The following CCT5 variants were observed in gnomAD, a reference collection of about 807,000 sequenced individuals.
CCT5 encodes T-complex protein 1 subunit epsilon.
CCT5 carries 6 observed loss-of-function variants against 55.0 expected under a neutral mutation model. That is an observed-to-expected ratio of 0.11 (90% CI 0.06 to 0.22). The LOEUF is 0.22. CCT5 is among the 10% of genes least tolerant of loss of function. The probability of loss-of-function intolerance (pLI) is 1.00; values close to 1 mark genes in which losing one functional copy is unlikely to be tolerated. For missense variants in CCT5, 560 were observed against 694.6 expected, an observed-to-expected ratio of 0.81 and a Z score of 2.18; for synonymous variants, 231 against 243.7, an observed-to-expected ratio of 0.95 and a Z score of 0.49.
chr5:10,255,001 C>T, intron 3 of CCT5, 163 bp downstream of exon 3: 1 of 656,484 alleles, frequency 1.5e-6, no homozygotes, highest in African/African-American at 1.8e-5. Flanking sequence ...TCAAAACTGA[C>T]AGTGTTACAA....
chr5:10,250,385 T>C lies in CCT5; in HGVS notation c.45T>C (p.Pro15=), dbSNP rs1745315566. 1 of 1,614,152 alleles carries C rather than the reference T, an allele frequency of 6.2e-7. No homozygotes were observed. The highest frequency in any genetic ancestry group is 8.5e-7 in the Non-Finnish European group (1 of 1,180,028). The part of the protein sequence containing the change: ...GTLAFDEYGR[P]FLIIKDQDRK... ...TCGCCTTCGATGAATATGGGCGCCC[T>C]TTCCTCATCATCAAGGATCAGGACC... The change falls in exon 1 of 11, where the codon CCT becomes CCC. Residue 15 remains proline, a synonymous_variant. Coordinates refer to ENST00000280326, the MANE Select transcript of CCT5 (RefSeq NM_012073.5).
chr5:10,255,781 C>T (rs1379549425), intron 3 of CCT5, among the ~76,000 whole-genome samples, 174 bp from the exon 4 acceptor site: 1 of 152,198 alleles, frequency 6.6e-6, no homozygotes, highest in African/African-American at 2.4e-5. Flanking sequence ...TCGACCTTCG[C>T]TAGAACTAAA....
Position 10,254,445 on chromosome 5 carries a change from CAT to C in CCT5, c.167-227_167-226del, listed in dbSNP as rs1745579001. 4 of 574,948 alleles carry C rather than the reference CAT, an allele frequency of 7.0e-6. No homozygotes were observed. In the South Asian group the frequency reaches 8.4e-5, roughly 12 times the overall value. The allele number at this position is 574,948 out of a possible 1,614,324, so 35.6% of individuals were successfully genotyped here. A position where few individuals can be genotyped will look rare whatever the true frequency, so the allele number is the denominator to read the frequency against. ...ATCATTTCATTAGCATTTTCCAAAT[CAT>C]AGTTGTCTTTTGAGATTAACATTAT... On this transcript the variant is annotated intron_variant, in intron 2 of 10. Transcript: ENST00000280326.
rs1354077018 is a variant in CCT5 at position 10,264,715 on chromosome 5, G to A, written c.1558G>A (p.Ala520Thr). 6.2e-7 allele frequency: 1 copy of A among 1,613,922 alleles called. No homozygotes were observed. Among genetic ancestry groups the A allele is most frequent in the South Asian group, 1.1e-5 (1 of 91,076 alleles). Residue 520 changes from alanine to threonine, a missense_variant, in exon 11 of 11, where the codon GCA becomes ACA. Coordinates refer to ENST00000280326, the MANE Select transcript of CCT5 (RefSeq NM_012073.5). ...TGGCAAAAAGCAACAGATATCTCTT[G>A]CAACACAAATGGTTAGAATGATTTT... is the stretch of plus-strand genomic sequence containing the variant. ...LIGKKQQISL[A>T]TQMVRMILKI...
Position 10,255,828 on chromosome 5 carries a change from C to T in CCT5, c.332-127C>T. On this transcript the variant is annotated intron_variant, in intron 3 of 10. Transcript: ENST00000280326. ...TTTTAAAAATAGAGGGCTTCTGCCTCTAAGATGACTTGCAGCTTAATTCTA... is the reference window on the plus strand; with the variant it reads ...TTTTAAAAATAGAGGGCTTCTGCCTTTAAGATGACTTGCAGCTTAATTCTA... 5.9e-6 allele frequency: 5 copies of T among 845,904 alleles called. No individual in the cohort carries two copies. The South Asian group carries it at 7.3e-5, about 12-fold the overall frequency. 52.4% of individuals were successfully genotyped at this position (845,904 alleles called of 1,614,324 possible). A position where few individuals can be genotyped will look rare whatever the true frequency, so the allele number is the denominator to read the frequency against.
intron 6 of CCT5, 55 bp from the exon 7 acceptor site, chr5:10,260,737 A>G (rs993553637): frequency 1.9e-6 from 3 of 1,602,304 alleles, no homozygotes; most frequent in African/African-American, 2.7e-5. Flanking sequence ...AAACATTGTA[A>G]TGAAGAATAA....
intron 1 of CCT5, among the ~76,000 whole-genome samples, chr5:10,251,578 A>G (rs142321007): frequency 1.3e-5 from 2 of 152,230 alleles, no homozygotes. Context: ...CAGTTCCCCT[A>G]TGGACTCTTT....
chr5:10,258,099 T>C lies in CCT5; in HGVS notation c.531-12T>C. On this transcript the variant is annotated splice_polypyrimidine_tract_variant and intron_variant, in intron 4 of 10. Coordinates refer to ENST00000280326, the MANE Select transcript of CCT5 (RefSeq NM_012073.5). ...GAAACCAATGAAGTTTGTTTTGTGG[T>C]GTTTTCCTCAGGGTCAACAGTTGTC... 1 of 1,613,896 alleles carries C rather than the reference T, an allele frequency of 6.2e-7. No individual in the cohort carries two copies. The highest frequency in any genetic ancestry group is 1.1e-5 in the South Asian group (1 of 91,072).
intron 3 of CCT5, chr5:10,255,087 T>A (rs1046332858): frequency 2.4e-5 from 12 of 509,824 alleles, no homozygotes; most frequent in Non-Finnish European, 4.3e-5. Flanking sequence ...ATTTTGCTTG[T>A]CTTTTAAGCT....
Position 10,255,989 on chromosome 5 carries a change from A to T in CCT5, c.366A>T (p.Gln122His). 1 of 1,614,202 alleles carries T rather than the reference A, an allele frequency of 6.2e-7. No homozygotes were observed. Among genetic ancestry groups the T allele is most frequent in the Non-Finnish European group, 8.5e-7 (1 of 1,180,016 alleles). ...LAGALLEEAE[Q>H]LLDRGIHPIR... The stretch of plus-strand genomic sequence containing the variant: ...GTGCCTTGTTAGAAGAAGCGGAGCA[A>T]TTGCTAGACCGAGGCATTCACCCAA... Residue 122 changes from glutamine (Q) to histidine (H), a missense_variant, in exon 4 of 11, where the codon CAA (glutamine) becomes CAT (histidine). Physicochemically the swap from Gln to His is conservative, Grantham distance 24 (BLOSUM62 0). Around this residue, in one of 4 missense-constraint regions of CCT5, gnomAD observed 137 missense variants for 181.9 expected, o/e 0.75. Transcript: ENST00000280326.
intron 3 of CCT5, among the ~76,000 whole-genome samples, chr5:10,255,285 C>CATGT (rs1337338119): frequency 6.6e-6 from 1 of 152,094 alleles, no homozygotes; most frequent in African/African-American, 2.4e-5. Flanking sequence ...AATAGTTGAA[C>CATGT]AGAAACAGTA....
rs576906191 is a variant in CCT5, at chr5:10,250,798, G to C, written c.105+353G>C. 34 of 1,160,114 alleles carry C rather than the reference G, an allele frequency of 2.9e-5. No individual in the cohort carries two copies. In the South Asian group the frequency reaches 7.1e-4, roughly 24 times the overall value. 71.9% of individuals were successfully genotyped at this position (1,160,114 alleles called of 1,614,324 possible). On this transcript the variant is annotated intron_variant, in intron 1 of 10. Transcript: ENST00000280326. ...CTGCGCTCCAGTGGGAGGGCGCCGG[G>C]GAGATGCTCTGTCACCTGTCGGTTA...
At position 10,263,212 on chromosome 5, in the gene CCT5, A is replaced by G; in HGVS notation, c.1396A>G (p.Ser466Gly). The G allele has an allele frequency of 6.2e-7, 1 of 1,614,226 alleles. No homozygotes were observed. Among genetic ancestry groups the G allele is most frequent in the Non-Finnish European group, 8.5e-7 (1 of 1,180,038 alleles). ...CATCCCCATGGCCCTCTCTGAAAAC[A>G]GTGGCATGAATCCCATCCAGACTAT... ...EVIPMALSEN[S>G]GMNPIQTMTE... is the part of the protein sequence containing the mutation. Residue 466 changes from serine (S) to glycine (G), a missense_variant, in exon 10 of 11, where the codon AGT (serine) becomes GGT (glycine). This residue lies in a region of CCT5 where 115 missense variants were observed against 105.0 expected (regional missense o/e 1.10). Coordinates refer to ENST00000280326, the MANE Select transcript of CCT5 (RefSeq NM_012073.5).
intron 1 of CCT5, among the ~76,000 whole-genome samples, chr5:10,252,762 T>A (rs992641452): frequency 3.9e-5 from 6 of 152,226 alleles, no homozygotes; most frequent in Admixed American, 3.9e-4. Context: ...GCCTTGATGT[T>A]TGATACTCTT....
rs1746187351 is a variant in CCT5 at position 10,265,579 on chromosome 5, A to C, written c.*796A>C. On this transcript the variant is annotated 3_prime_UTR_variant, in exon 11 of 11. Transcript: ENST00000280326. ...CTTACTAAAGTATTAACTAGCTAAC[A>C]GTGATGGGCCAAGACGCTCCGAGAA... 6.6e-6 allele frequency: 1 copy of C among 152,242 alleles called. No individual in the cohort carries two copies. The highest frequency in any genetic ancestry group is 1.5e-5 in the Non-Finnish European group (1 of 68,068). The allele number at this position is 152,242 out of a possible 1,614,324, so 9.4% of individuals were successfully genotyped here.
At chr5:10,264,613 T>C in intron 10 of CCT5, 43 bp from the exon 11 acceptor site, 1 of 1,246,382 alleles carries the variant, frequency 8.0e-7, no homozygotes, top group South Asian at 1.2e-5. Context: ...TGATAGTTTA[T>C]TGTATGCTAT....
intron 1 of CCT5, chr5:10,250,847 C>T (rs1006557712): frequency 9.5e-7 from 1 of 1,056,998 alleles, no homozygotes; most frequent in African/African-American, 1.7e-5. Context: ...TAACCTTTCG[C>T]TGGTCCACCC....
chr5:10,258,534 A>C lies in CCT5; in HGVS notation c.872A>C (p.Gln291Pro), dbSNP rs1316302609. ...GAGAAATTTGAAGAGATGATTCAAC[A>C]AGTAAGTCTTACCAGAGTCCTCAGT... ...EKEKFEEMIQ[Q>P]IKETGANLAI... Residue 291 changes from glutamine to proline, a missense_variant and splice_region_variant, in exon 6 of 11, where the codon CAA (glutamine) becomes CCA (proline). Transcript: ENST00000280326. 1 of 1,613,130 alleles carries C rather than the reference A, an allele frequency of 6.2e-7. No individual in the cohort carries two copies. The highest frequency in any genetic ancestry group is 2.2e-5 in the East Asian group (1 of 44,884).
intron 1 of CCT5, among the ~76,000 whole-genome samples, chr5:10,252,215 C>G (rs1301058654): frequency 6.6e-6 from 1 of 152,112 alleles, no homozygotes; most frequent in East Asian, 1.9e-4. Flanking sequence ...TGTTGAGGCT[C>G]AGCAGTTTAG....
Sources: allele counts gnomAD v4.1 joint callset (sites outside exome capture counted in the v4.1 genomes callset), GRCh38; gene constraint gnomAD v4.1.1; regional missense constraint gnomAD v4.1.1; transcripts MANE v1.5; gene names NCBI Gene and HGNC (gene_info 2026-07-23, HGNC 2026-07-21).